Variants in KCNK12 observed in about 807,000 individuals in gnomAD.
The protein encoded by KCNK12 is potassium channel subfamily K member 12.
In KCNK12, 6 loss-of-function variants were observed where a neutral mutation model predicts 25.3. That is an observed-to-expected ratio of 0.24 (90% CI 0.13 to 0.47). The LOEUF is 0.47. Among genes scored for constraint, KCNK12 ranks in the 20% least tolerant of loss-of-function variants. The probability of loss-of-function intolerance (pLI) is 0.99; values close to 1 mark genes in which losing one functional copy is unlikely to be tolerated. For synonymous variants in KCNK12, 331 were observed against 311.1 expected (o/e 1.06, Z -0.67); for missense variants, 444 against 661.7 (o/e 0.67, Z 3.61).
rs1668990908 is a variant in KCNK12 at position 47,533,829 on chromosome 2, G to A, written c.392-12021C>T. 6.6e-6 allele frequency among the ~76,000 whole-genome samples: 1 copy of A among 152,192 alleles called. No homozygotes were observed. The highest frequency in any genetic ancestry group is 1.5e-5 in the Non-Finnish European group (1 of 68,040). The stretch of plus-strand genomic sequence containing the variant: ...CAGAGCTGGATGGACTGCTCCCTGA[G>A]GACAGAAGCTCTTGGTTTTCTTCCC... On this transcript the variant is annotated intron_variant, in intron 1 of 1. Coordinates refer to ENST00000327876, the MANE Select transcript of KCNK12 (RefSeq NM_022055.2). The surrounding 1 kb of genome is among the most constrained non-coding windows in gnomAD (Gnocchi z 4.7).
In KCNK12 at chr2:47,547,608, T is replaced by C. The variant is rs1445802289; in HGVS notation, c.391+22333A>G. Among the ~76,000 whole-genome samples the C allele has an allele frequency of 6.6e-6, 1 of 152,048 alleles. No individual in the cohort carries two copies. Among genetic ancestry groups the C allele is most frequent in the East Asian group, 1.9e-4 (1 of 5,184 alleles). Reference sequence around the variant, plus strand: ...GGCAGGGCTTTATTTATTTATTTATTTACTTTTGAGATGGAGTCTCATTCT... The same window carrying C: ...GGCAGGGCTTTATTTATTTATTTATCTACTTTTGAGATGGAGTCTCATTCT... On this transcript the variant is annotated intron_variant, in intron 1 of 1. Coordinates refer to ENST00000327876, the MANE Select transcript of KCNK12 (RefSeq NM_022055.2). This position sits in a 1 kb window ranked among gnomAD's most constrained non-coding sequence, Gnocchi z 5.0.
chr2:47,564,143 A>C (rs1463334889), intron 1 of KCNK12: 1 of 231,768 alleles, frequency 4.3e-6, no homozygotes, highest in East Asian at 6.1e-5. Context: ...CCTGGAACTG[A>C]GTGCAGTCCT....
At chr2:47,531,957 T>C (rs1158467095) in intron 1 of KCNK12, among the ~76,000 whole-genome samples, 2 of 151,914 alleles carry the variant, frequency 1.3e-5, no homozygotes, top group Non-Finnish European at 2.9e-5. Context: ...CTTTTAGCTT[T>C]ATAAAAACCC....
At position 47,521,047 on chromosome 2, in the gene KCNK12, G is replaced by A; in HGVS notation, c.1153C>T (p.Leu385=). The change falls in exon 2 of 2, where the codon CTG becomes TTG. Residue 385 remains leucine, a synonymous_variant. Transcript: ENST00000327876. Reference sequence around the variant, plus strand: ...GCCGTCTCCGACAGCTGCTTCTGCAGCAGCGCCAGCGACACCTTGTTGGAG... The same window carrying A: ...GCCGTCTCCGACAGCTGCTTCTGCAACAGCGCCAGCGACACCTTGTTGGAG... ...TASNKVSLAL[L]QKQLSETANG... is the part of the protein sequence containing the mutation. 1.4e-6 allele frequency: 2 copies of A among 1,398,336 alleles called. No homozygotes were observed. Among genetic ancestry groups the A allele is most frequent in the Admixed American group, 2.8e-5 (1 of 35,962 alleles). 86.6% of individuals were successfully genotyped at this position (1,398,336 alleles called of 1,614,324 possible). A position where few individuals can be genotyped will look rare whatever the true frequency, so the allele number is the denominator to read the frequency against.
At chr2:47,531,337 G>T (rs1668923017) in intron 1 of KCNK12, among the ~76,000 whole-genome samples, 2 of 152,150 alleles carry the variant, frequency 1.3e-5, no homozygotes, top group Admixed American at 1.3e-4. Context: ...GCTGGGCGTG[G>T]TGGCGTGTGC....
intron 1 of KCNK12, among the ~76,000 whole-genome samples, chr2:47,539,995 AGCT>A (rs1669162291): frequency 6.6e-6 from 1 of 152,334 alleles, no homozygotes; most frequent in African/African-American, 2.4e-5. Context: ...GCTGTCAGCA[AGCT>A]ACTCGCTGTG....
chr2:47,527,368 T>C (rs1471695475), intron 1 of KCNK12, among the ~76,000 whole-genome samples: 1 of 152,182 alleles, frequency 6.6e-6, no homozygotes, highest in African/African-American at 2.4e-5. Context: ...GGTAGACTCA[T>C]AACCTCCCCG....
intron 1 of KCNK12, among the ~76,000 whole-genome samples, chr2:47,524,872 G>A (rs1019990406): frequency 6.6e-5 from 10 of 152,084 alleles, no homozygotes; most frequent in African/African-American, 2.4e-4. Context: ...GCATGTTGGG[G>A]ACAGACTCCC....
chr2:47,545,709 T>G (rs1669297873), intron 1 of KCNK12, among the ~76,000 whole-genome samples: 1 of 152,216 alleles, frequency 6.6e-6, no homozygotes, highest in African/African-American at 2.4e-5. Flanking sequence ...TGTGCTCACC[T>G]CCACAGGATG....
At chr2:47,554,957 A>G (rs996182480) in intron 1 of KCNK12, among the ~76,000 whole-genome samples, 2 of 152,206 alleles carry the variant, frequency 1.3e-5, no homozygotes, top group African/African-American at 4.8e-5. Flanking sequence ...AGGAATCAGG[A>G]CAACTCTTTA....
In KCNK12 at chr2:47,512,576, G is replaced by C; in HGVS notation, c.*8331C>G. 1.1e-6 allele frequency: 1 copy of C among 951,374 alleles called. No individual in the cohort carries two copies. Among genetic ancestry groups the C allele is most frequent in the Non-Finnish European group, 1.5e-6 (1 of 654,672 alleles). 58.9% of individuals were successfully genotyped at this position (951,374 alleles called of 1,614,324 possible). On this transcript the variant is annotated 3_prime_UTR_variant, in exon 2 of 2. Coordinates refer to ENST00000327876, the MANE Select transcript of KCNK12 (RefSeq NM_022055.2). ...TCAGGAATATAACTTTCTCTGCCCA[G>C]ATTCCAGGACTTACAGTGAGAAAGC...
rs1236460823 is a variant in KCNK12, at chr2:47,533,070, G to T, written c.392-11262C>A. The stretch of plus-strand genomic sequence containing the variant: ...CTGTCGCCCAGGCTGGAGTGCAGTG[G>T]TGTGATCTTGGCTCACTGCAACCTC... On this transcript the variant is annotated intron_variant, in intron 1 of 1. Transcript: ENST00000327876. This position sits in a 1 kb window ranked among gnomAD's most constrained non-coding sequence, Gnocchi z 4.7. 6.6e-6 allele frequency among the ~76,000 whole-genome samples: 1 copy of T among 152,114 alleles called. No homozygotes were observed. The highest frequency in any genetic ancestry group is 2.4e-5 in the African/African-American group (1 of 41,420).
In KCNK12 at chr2:47,515,848, G is replaced by T. The variant is rs1457057954; in HGVS notation, c.*5059C>A. On this transcript the variant is annotated 3_prime_UTR_variant, in exon 2 of 2. Coordinates refer to ENST00000327876, the MANE Select transcript of KCNK12 (RefSeq NM_022055.2). The stretch of plus-strand genomic sequence containing the variant: ...AAGCCAACCCAGGCAAAAGCAATCT[G>T]CTGGAAGAACTTCATCCCCAGCTGA... Among the ~76,000 whole-genome samples the T allele has an allele frequency of 6.6e-6, 1 of 152,210 alleles. No homozygotes were observed. Among genetic ancestry groups the T allele is most frequent in the African/African-American group, 2.4e-5 (1 of 41,444 alleles).
Position 47,569,312 on chromosome 2 carries a change from CAAGG to C in KCNK12, c.391+625_391+628del, listed in dbSNP as rs1205761865. 6.6e-6 allele frequency among the ~76,000 whole-genome samples: 1 copy of C among 151,850 alleles called. No individual in the cohort carries two copies. The highest frequency in any genetic ancestry group is 2.4e-5 in the African/African-American group (1 of 41,322). On this transcript the variant is annotated intron_variant, in intron 1 of 1. Transcript: ENST00000327876. This position sits in a 1 kb window ranked among gnomAD's most constrained non-coding sequence, Gnocchi z 4.1. ...AGGGGCTGGGAGCTGGGGGAGAACACAAGGAAGGGAGGCAGAACAACAGCAGCTG... is the reference window on the plus strand; with the variant it reads ...AGGGGCTGGGAGCTGGGGGAGAACACAAGGGAGGCAGAACAACAGCAGCTG...
rs929251582 is a variant in KCNK12 at position 47,513,809 on chromosome 2, C to A, written c.*7098G>T. Among the ~76,000 whole-genome samples, 1 of 152,156 alleles carries A rather than the reference C, an allele frequency of 6.6e-6. No homozygotes were observed. Among genetic ancestry groups the A allele is most frequent in the Non-Finnish European group, 1.5e-5 (1 of 68,018 alleles). On this transcript the variant is annotated 3_prime_UTR_variant, in exon 2 of 2. Transcript: ENST00000327876. The stretch of plus-strand genomic sequence containing the variant: ...TCCTCTCTCTCAGTCTTATCATCCC[C>A]ATCCAGGCAAATCATTGATTCTGTG...
chr2:47,537,607 G>A (rs940892608), intron 1 of KCNK12, among the ~76,000 whole-genome samples: 2 of 152,160 alleles, frequency 1.3e-5, no homozygotes, highest in Non-Finnish European at 2.9e-5. Context: ...GGGATTACAG[G>A]CGTGAGCCAC....
intron 1 of KCNK12, chr2:47,567,122 G>A (rs771702759): frequency 6.6e-6 from 1 of 152,132 alleles, no homozygotes; most frequent in African/African-American, 2.4e-5. Context: ...ACATATCTGG[G>A]TCTACACAAC....
At position 47,516,765 on chromosome 2, in the gene KCNK12, G is replaced by A. The variant is rs1668533311; in HGVS notation, c.*4142C>T. ...TAAAGCAAGGGGGAGCTTCCTTAGG[G>A]AAGAAGGGGAAGGGGAAGAGGGTTT... On this transcript the variant is annotated 3_prime_UTR_variant, in exon 2 of 2. Coordinates refer to ENST00000327876, the MANE Select transcript of KCNK12 (RefSeq NM_022055.2). The A allele has an allele frequency of 6.6e-6, 1 of 152,310 alleles. No individual in the cohort carries two copies. The highest frequency in any genetic ancestry group is 2.1e-4 in the South Asian group (1 of 4,832). The allele number at this position is 152,310 out of a possible 1,614,324, so 9.4% of individuals were successfully genotyped here. A position where few individuals can be genotyped will look rare whatever the true frequency, so the allele number is the denominator to read the frequency against.
At position 47,556,723 on chromosome 2, in the gene KCNK12, T is replaced by C. The variant is rs1669557887; in HGVS notation, c.391+13218A>G. 6.6e-6 allele frequency among the ~76,000 whole-genome samples: 1 copy of C among 151,924 alleles called. No homozygotes were observed. Among genetic ancestry groups the C allele is most frequent in the African/African-American group, 2.4e-5 (1 of 41,352 alleles). On this transcript the variant is annotated intron_variant, in intron 1 of 1. Transcript: ENST00000327876. The surrounding 1 kb of genome is among the most constrained non-coding windows in gnomAD (Gnocchi z 4.8). Reference sequence around the variant, plus strand: ...AATCCAAGCTGAGTTAAAAAAGAAATGCAGGCTCAAAGAAGATGGTGGAAA... The same window carrying C: ...AATCCAAGCTGAGTTAAAAAAGAAACGCAGGCTCAAAGAAGATGGTGGAAA...
Sources: gnomAD v4.1 joint callset for allele counts (sites outside exome capture counted in the v4.1 genomes callset) on GRCh38, gnomAD v4.1.1 for gene constraint, Gnocchi (gnomAD v3.1) non-coding constraint, MANE v1.5 for transcripts, NCBI Gene and HGNC (gene_info 2026-07-23, HGNC 2026-07-21) for gene names.